DDX60L: variants seen among roughly 807,000 people sequenced by gnomAD.
The protein encoded by DDX60L is probable ATP-dependent RNA helicase DDX60-like.
In DDX60L, 191 loss-of-function variants were observed where a neutral mutation model predicts 211.6. The observed-to-expected ratio is 0.90, with a 90% CI of 0.80 to 1.02. The LOEUF is 1.02. Ranked by LOEUF, DDX60L falls within the 50% of genes least tolerant of loss-of-function variation. DDX60L has a pLI of 0.00. For missense variants in DDX60L, 2,007 were observed against 1,984.1 expected (o/e 1.01, Z -0.22); for synonymous variants, 706 against 694.1 (o/e 1.02, Z -0.27).
chr4:168,443,568 A>G (rs921170381), intron 9 of DDX60L, among the ~76,000 whole-genome samples: 3 of 152,110 alleles, frequency 2.0e-5, no homozygotes, highest in Non-Finnish European at 4.4e-5. Context: ...TCCAAGACAC[A>G]TAATTGTCAG....
chr4:168,442,336 C>G (rs568466552), intron 9 of DDX60L, among the ~76,000 whole-genome samples: 6 of 152,186 alleles, frequency 3.9e-5, no homozygotes, highest in Admixed American at 6.5e-5. Flanking sequence ...TATCCCGCAC[C>G]TGGCTCAGAG....
intron 10 of DDX60L, among the ~76,000 whole-genome samples, chr4:168,436,082 C>T (rs979601217): frequency 6.6e-6 from 1 of 152,148 alleles, no homozygotes; most frequent in African/African-American, 2.4e-5. Context: ...AAGTATAATG[C>T]CTGGGGGAGC....
chr4:168,394,457 T>G lies in DDX60L; in HGVS notation c.3810+8A>C, dbSNP rs1426693814. The G allele has an allele frequency of 6.3e-7, 1 of 1,585,670 alleles. No homozygotes were observed. Among genetic ancestry groups the G allele is most frequent in the Non-Finnish European group, 8.5e-7 (1 of 1,169,954 alleles). Reference sequence around the variant, plus strand: ...CTTTATTTTTTAAATGCAAAGAAATTTACCTACCCTAATAAGCCCTTTTAC... The same window carrying G: ...CTTTATTTTTTAAATGCAAAGAAATGTACCTACCCTAATAAGCCCTTTTAC... On this transcript the variant is annotated splice_region_variant and intron_variant, in intron 28 of 37. Transcript: ENST00000682922.
intron 10 of DDX60L, 126 bp from the exon 11 acceptor site, chr4:168,433,241 A>G: frequency 1.6e-6 from 1 of 635,554 alleles, no homozygotes; most frequent in Admixed American, 2.9e-5. Context: ...TTACCAAGTT[A>G]GAGCTTCCAA....
At chr4:168,395,875 A>G in intron 27 of DDX60L, 84 bp downstream of exon 27, 1 of 942,304 alleles carries the variant, frequency 1.1e-6, no homozygotes, top group Non-Finnish European at 1.7e-6. Flanking sequence ...TACACAAGTC[A>G]TTTCAGTGTT....
chr4:168,412,850 GGA>G (rs1398533316), intron 22 of DDX60L, among the ~76,000 whole-genome samples: 2 of 152,168 alleles, frequency 1.3e-5, no homozygotes, highest in South Asian at 2.1e-4. Context: ...CATTTGTTTG[GGA>G]GACAGTAAGG....
chr4:168,399,001 C>A (rs553683794), intron 26 of DDX60L, among the ~76,000 whole-genome samples: 1 of 152,326 alleles, frequency 6.6e-6, no homozygotes, highest in East Asian at 1.9e-4. Flanking sequence ...GAGCTCAACA[C>A]TCAATGGGAC....
At chr4:168,391,481 A>G (rs750612309) in intron 29 of DDX60L, 59 bp downstream of exon 29, 8 of 1,108,598 alleles carry the variant, frequency 7.2e-6, no homozygotes, top group Non-Finnish European at 9.5e-6. Context: ...TGAGTGCCAC[A>G]TGGTTCATTA....
chr4:168,418,669 A>G (rs1749972300), intron 19 of DDX60L, among the ~76,000 whole-genome samples: 1 of 152,238 alleles, frequency 6.6e-6, no homozygotes, highest in Non-Finnish European at 1.5e-5. Context: ...TTGAAGCAAC[A>G]AAATACAAAG....
intron 9 of DDX60L, among the ~76,000 whole-genome samples, chr4:168,445,921 T>G (rs1277591621): frequency 4.6e-5 from 5 of 109,778 alleles, no homozygotes; most frequent in Non-Finnish European, 9.9e-5. Context: ...ACAGCCAATA[T>G]CATACTGAAT....
In DDX60L at chr4:168,358,069, C is replaced by T; in HGVS notation, c.*78G>A. Reference sequence around the variant, plus strand: ...TCCAAGACAAACATTTTTTCCATTTCATTGTGTAAGCTTAATTATATCTCT... The same window carrying T: ...TCCAAGACAAACATTTTTTCCATTTTATTGTGTAAGCTTAATTATATCTCT... On this transcript the variant is annotated 3_prime_UTR_variant, in exon 38 of 38. Transcript: ENST00000682922. The T allele has an allele frequency of 4.6e-6, 6 of 1,312,174 alleles. No individual in the cohort carries two copies. The highest frequency in any genetic ancestry group is 2.3e-5 in the Admixed American group (1 of 43,358). The allele number at this position is 1,312,174 out of a possible 1,614,324, so 81.3% of individuals were successfully genotyped here.
rs552838597 is a variant in DDX60L, at chr4:168,369,047, T to C, written c.4928+2565A>G. Among the ~76,000 whole-genome samples, 260 of 152,242 alleles carry C rather than the reference T, an allele frequency of 1.7e-3. 1 individual carries two copies. Among genetic ancestry groups the C allele is most frequent in the Middle Eastern group, 6.8e-3 (2 of 294 alleles). ...TTAATGCTGAAATGAGTTAAGACTC[T>C]GGGGGACTGCTGGGAAGGCATGATT... On this transcript the variant is annotated intron_variant, in intron 36 of 37. Coordinates refer to ENST00000682922, the MANE Select transcript of DDX60L (RefSeq NM_001012967.3).
At chr4:168,420,232 T>C (rs777816293) in intron 18 of DDX60L, 29 bp downstream of exon 18, 1 of 1,512,220 alleles carries the variant, frequency 6.6e-7, no homozygotes, top group Admixed American at 2.4e-5. Context: ...TATAATTTGA[T>C]AATAAACTCA....
intron 22 of DDX60L, among the ~76,000 whole-genome samples, chr4:168,409,754 A>G (rs1238340676): frequency 6.6e-6 from 1 of 152,208 alleles, no homozygotes; most frequent in East Asian, 1.9e-4. Context: ...CGATCCACAA[A>G]TTATTTAGTA....
chr4:168,471,073 A>G (rs1758704111), intron 4 of DDX60L, among the ~76,000 whole-genome samples: 1 of 152,130 alleles, frequency 6.6e-6, no homozygotes, highest in South Asian at 2.1e-4. Flanking sequence ...TTGGAGCAAA[A>G]CTTTTTGTAA....
chr4:168,455,920 G>T (rs553377139), intron 7 of DDX60L, 119 bp downstream of exon 7: 19 of 639,558 alleles, frequency 3.0e-5, no homozygotes, highest in Admixed American at 1.6e-4. Context: ...TGAAGAAAAT[G>T]GCGGTCAGAA....
chr4:168,376,225 T>C, intron 33 of DDX60L, among the ~76,000 whole-genome samples: 1 of 152,356 alleles, frequency 6.6e-6, no homozygotes, highest in East Asian at 1.9e-4. Flanking sequence ...ATTTATTTGA[T>C]ATTTTCCTTA....
intron 27 of DDX60L, among the ~76,000 whole-genome samples, 196 bp from the exon 28 acceptor site, chr4:168,394,813 A>C (rs1745490858): frequency 6.6e-6 from 1 of 152,248 alleles, no homozygotes; most frequent in African/African-American, 2.4e-5. Context: ...TCTCTCAGAA[A>C]AGAGGCATTC....
chr4:168,379,829 A>G lies in DDX60L; in HGVS notation c.4118T>C (p.Val1373Ala), dbSNP rs1269660546. ...CAATGAATGCTTTAGCACTGACAACACCTATAAAAGAAGAGTACTTTAATT... is the reference window on the plus strand; with the variant it reads ...CAATGAATGCTTTAGCACTGACAACGCCTATAAAAGAAGAGTACTTTAATT... ...GDDPEDAKAK[V>A]LSVLKHSLLS... is the part of the protein sequence containing the mutation. Residue 1373 changes from valine to alanine, a missense_variant and splice_region_variant, in exon 31 of 38, where the codon GTG becomes GCG. By Grantham distance (64) the Val-to-Ala change is moderately conservative. Transcript: ENST00000682922. 2.5e-6 allele frequency: 4 copies of G among 1,601,226 alleles called. No homozygotes were observed. The highest frequency in any genetic ancestry group is 3.4e-6 in the Non-Finnish European group (4 of 1,172,980).
Sources: allele counts gnomAD v4.1 joint callset (sites outside exome capture counted in the v4.1 genomes callset), GRCh38; gene constraint gnomAD v4.1.1; transcripts MANE v1.5; gene names NCBI Gene and HGNC (gene_info 2026-07-23, HGNC 2026-07-21).